The following TMEM72 variants were observed in gnomAD, a reference collection of about 807,000 sequenced individuals.
The protein encoded by TMEM72 is transmembrane protein 72, also known as kidney-specific secretory protein of 37 kDa.
TMEM72 carries 9 observed loss-of-function variants against 16.3 expected under a neutral mutation model. The ratio of observed to expected loss-of-function variants is 0.55; its 90% CI spans 0.33 to 0.96. TMEM72 has a LOEUF of 0.96. Among genes scored for constraint, TMEM72 ranks in the 40% least tolerant of loss-of-function variants. TMEM72 has a pLI of 0.03. For synonymous variants in TMEM72, 160 were observed against 146.5 expected (o/e 1.09, Z -0.66); for missense variants, 324 against 337.8 (o/e 0.96, Z 0.32).
chr10:44,931,800 C>T (rs897187769), intron 2 of TMEM72, 198 bp from the exon 3 acceptor site: 15 of 598,492 alleles, frequency 2.5e-5, no homozygotes, highest in Non-Finnish European at 4.4e-5. Context: ...GAACCCCAGA[C>T]CCCACCTCTC....
At position 44,933,723 on chromosome 10, in the gene TMEM72, T is replaced by G. The variant is rs1284224275; in HGVS notation, c.296T>G (p.Leu99Arg). Reference sequence around the variant, plus strand: ...CAGAAGTTCCTGGCCTACCTGCTGCTGTCGGTGGCCTGCTTCCTCCACCCG... The same window carrying G: ...CAGAAGTTCCTGGCCTACCTGCTGCGGTCGGTGGCCTGCTTCCTCCACCCG... ...CFQKFLAYLL[L>R]SVACFLHPVL... is the part of the protein sequence containing the mutation. Residue 99 changes from leucine to arginine, a missense_variant, in exon 4 of 5, where the codon CTG becomes CGG. Physicochemically the swap from Leu to Arg is moderately radical, Grantham distance 102. Transcript: ENST00000389583. The G allele has an allele frequency of 2.5e-6, 4 of 1,613,992 alleles. No individual in the cohort carries two copies. The African/African-American group carries it at 5.3e-5, about 22-fold the overall frequency.
intron 1 of TMEM72, among the ~76,000 whole-genome samples, chr10:44,918,196 G>T (rs1264200052): frequency 1.3e-5 from 2 of 152,084 alleles, no homozygotes; most frequent in African/African-American, 4.8e-5. Context: ...ACCTCCTGCT[G>T]GTCCCTCCCA....
chr10:44,932,197 C>A, intron 3 of TMEM72, 128 bp downstream of exon 3: 2 of 1,139,360 alleles, frequency 1.8e-6, no homozygotes, highest in South Asian at 1.4e-5. Context: ...GAGCCCCCCA[C>A]CGAGGTACAA....
At position 44,935,053 on chromosome 10, in the gene TMEM72, C is replaced by T. The variant is rs1440618498; in HGVS notation, c.747C>T (p.Thr249=). Residue 249 remains threonine (T), a synonymous_variant, in exon 5 of 5, where the codon ACC becomes ACT. Coordinates refer to ENST00000389583, the MANE Select transcript of TMEM72 (RefSeq NM_001123376.3). ...LDDGDSEPEE[T]TSDTTPIIPP... Reference sequence around the variant, plus strand: ...ATGGGGACAGTGAGCCAGAGGAGACCACCTCTGACACGACACCCATCATTC... The same window carrying T: ...ATGGGGACAGTGAGCCAGAGGAGACTACCTCTGACACGACACCCATCATTC... 5 of 1,613,780 alleles carry T rather than the reference C, an allele frequency of 3.1e-6. No homozygotes were observed. The South Asian group carries it at 3.3e-5, about 11-fold the overall frequency.
Position 44,926,131 on chromosome 10 carries a change from TCA to T in TMEM72, c.71-1784_71-1783del, listed in dbSNP as rs139171210. On this transcript the variant is annotated intron_variant, in intron 1 of 4. Transcript: ENST00000389583. ...CACCCACATACACACATACATACAC[TCA>T]CACACTCACATATATACTCACATAT... 0.025 allele frequency among the ~76,000 whole-genome samples: 3,748 copies of T among 149,812 alleles called. 377 individuals carry two copies. The East Asian group carries it at 0.32, about 13-fold the overall frequency.
chr10:44,925,953 ACACT>A (rs990971714), intron 1 of TMEM72, among the ~76,000 whole-genome samples: 12 of 151,980 alleles, frequency 7.9e-5, no homozygotes, highest in East Asian at 1.9e-4. Context: ...ACTTACACAC[ACACT>A]CACACACATA....
intron 2 of TMEM72, among the ~76,000 whole-genome samples, chr10:44,931,549 A>G (rs1840297477): frequency 6.6e-6 from 1 of 152,230 alleles, no homozygotes; most frequent in Non-Finnish European, 1.5e-5. Context: ...GAGGTCAGAG[A>G]ACAGGAGCGA....
chr10:44,920,742 C>T (rs1247253669), intron 1 of TMEM72, among the ~76,000 whole-genome samples: 1 of 152,222 alleles, frequency 6.6e-6, no homozygotes, highest in Non-Finnish European at 1.5e-5. Flanking sequence ...GCAGCACTCT[C>T]ATTTACTTAG....
chr10:44,913,558 G>T (rs931366424), intron 1 of TMEM72, among the ~76,000 whole-genome samples: 12 of 152,120 alleles, frequency 7.9e-5, no homozygotes, highest in African/African-American at 2.7e-4. Flanking sequence ...TGCTGAGAAT[G>T]GGCCTCCCTC....
At chr10:44,915,995 A>G (rs1438665361) in intron 1 of TMEM72, among the ~76,000 whole-genome samples, 1 of 152,184 alleles carries the variant, frequency 6.6e-6, no homozygotes, top group African/African-American at 2.4e-5. Context: ...AGCCCCACAA[A>G]TGCCTGAGAC....
rs1840386320 is a variant in TMEM72, at chr10:44,935,479, C to A, written c.*345C>A. ...CCAGAAGGGACAGAGGATGTCTGCC[C>A]AGCAAAAGCCTCTGGGCTTTTCTTA... is the stretch of plus-strand genomic sequence containing the variant. On this transcript the variant is annotated 3_prime_UTR_variant, in exon 5 of 5. Transcript: ENST00000389583. 8.3e-6 allele frequency: 2 copies of A among 240,868 alleles called. No individual in the cohort carries two copies. The highest frequency in any genetic ancestry group is 1.6e-5 in the Non-Finnish European group (2 of 126,474). 14.9% of individuals were successfully genotyped at this position (240,868 alleles called of 1,614,324 possible). A position where few individuals can be genotyped will look rare whatever the true frequency, so the allele number is the denominator to read the frequency against.
chr10:44,928,944 T>C (rs1256989179), intron 2 of TMEM72, among the ~76,000 whole-genome samples: 3 of 152,208 alleles, frequency 2.0e-5, no homozygotes, highest in Admixed American at 6.5e-5. Context: ...GGGAATCAGG[T>C]CAAAGAAATA....
At chr10:44,928,361 T>C (rs541885327) in intron 2 of TMEM72, among the ~76,000 whole-genome samples, 2 of 151,696 alleles carry the variant, frequency 1.3e-5, no homozygotes, top group African/African-American at 4.8e-5. Flanking sequence ...CAGCTACCTA[T>C]CCATCTACCC....
At chr10:44,917,728 GA>G (rs142297806) in intron 1 of TMEM72, among the ~76,000 whole-genome samples, 1,670 of 152,286 alleles carry the variant, frequency 0.011, 48 homozygotes, top group African/African-American at 0.038. Context: ...GTCAGATGAA[GA>G]AGCCTGATGT....
intron 2 of TMEM72, among the ~76,000 whole-genome samples, chr10:44,931,466 G>A (rs897305594): frequency 6.6e-6 from 1 of 152,218 alleles, no homozygotes; most frequent in African/African-American, 2.4e-5. Flanking sequence ...CAGGAGACAG[G>A]CCTGGGGTAA....
chr10:44,911,636 GCTGC>G (rs1184255140), intron 1 of TMEM72, 54 bp downstream of exon 1: 1 of 1,539,056 alleles, frequency 6.5e-7, no homozygotes, highest in East Asian at 2.4e-5. Flanking sequence ...CACAGATAGG[GCTGC>G]CTGAGGGGTG....
At chr10:44,925,826 G>A (rs1319762372) in intron 1 of TMEM72, among the ~76,000 whole-genome samples, 2 of 152,180 alleles carry the variant, frequency 1.3e-5, no homozygotes, top group East Asian at 3.8e-4. Flanking sequence ...AATGAATGCT[G>A]GGTGCTGATA....
chr10:44,912,966 T>C (rs1398205448), intron 1 of TMEM72, among the ~76,000 whole-genome samples: 1 of 152,188 alleles, frequency 6.6e-6, no homozygotes, highest in African/African-American at 2.4e-5. Flanking sequence ...CCCGGAGCCC[T>C]GGTCCTTCAA....
chr10:44,930,410 C>G (rs867708965), intron 2 of TMEM72, among the ~76,000 whole-genome samples: 2 of 152,194 alleles, frequency 1.3e-5, no homozygotes, highest in Non-Finnish European at 2.9e-5. Flanking sequence ...TGATCTTCCC[C>G]CTGCTACTGA....
Sources: gnomAD v4.1 joint callset for allele counts (sites outside exome capture counted in the v4.1 genomes callset) on GRCh38, gnomAD v4.1.1 for gene constraint, MANE v1.5 for transcripts, NCBI Gene and HGNC (gene_info 2026-07-23, HGNC 2026-07-21) for gene names.